The following IVNS1ABP variants were observed in gnomAD, a reference collection of about 807,000 sequenced individuals.
IVNS1ABP encodes the protein influenza virus NS1A binding protein.
Under a neutral mutation model 78.9 loss-of-function variants are expected in IVNS1ABP, and 25 were observed. That is an observed-to-expected ratio of 0.32 (90% CI 0.23 to 0.44). The LOEUF is 0.44. Ranked by LOEUF, IVNS1ABP falls within the 20% of genes least tolerant of loss-of-function variation. The pLI is 1.00. For synonymous variants in IVNS1ABP, 241 were observed against 259.7 expected, an observed-to-expected ratio of 0.93 and a Z score of 0.69; for missense variants, 494 against 768.9, an observed-to-expected ratio of 0.64 and a Z score of 4.23.
chr1:185,311,029 C>CT, intron 2 of IVNS1ABP, 66 bp downstream of exon 2: 1 of 319,566 alleles, frequency 3.1e-6, no homozygotes, highest in Non-Finnish European at 5.7e-6. Flanking sequence ...GTTTACTGTA[C>CT]TCGACATCCG....
In IVNS1ABP at chr1:185,305,495, A is replaced by G. The variant is rs760318258; in HGVS notation, c.765+41T>C. 2 of 1,606,816 alleles carry G rather than the reference A, an allele frequency of 1.2e-6. No individual in the cohort carries two copies. The highest frequency in any genetic ancestry group is 1.1e-5 in the South Asian group (1 of 89,990). ...AAGTATGCTATCAAATTCTCTAGTC[A>G]AATTTTAACCTGAGGTTACCTCAGA... On this transcript the variant is annotated intron_variant, in intron 8 of 14. Coordinates refer to ENST00000367498, the MANE Select transcript of IVNS1ABP (RefSeq NM_006469.5). The surrounding 1 kb of genome is among the most constrained non-coding windows in gnomAD (Gnocchi z 4.0).
intron 9 of IVNS1ABP, 81 bp downstream of exon 9, chr1:185,301,351 CAA>C: frequency 6.6e-7 from 1 of 1,520,044 alleles, no homozygotes; most frequent in Non-Finnish European, 9.0e-7. Flanking sequence ...CTCGAGTAGT[CAA>C]TTTAAGAGGT....
intron 13 of IVNS1ABP, 53 bp from the exon 14 acceptor site, chr1:185,299,936 T>G: frequency 1.2e-6 from 2 of 1,611,830 alleles, no homozygotes; most frequent in Non-Finnish European, 1.7e-6. Flanking sequence ...ACTCTAAGTG[T>G]ATACTACACA....
chr1:185,298,311 T>C lies in IVNS1ABP; in HGVS notation c.1676-23A>G. Reference sequence around the variant, plus strand: ...TTCCTAAAAGAGAAATGAGATGGGGTAAATCCAGAGATTAAAGTGTAATAA... The same window carrying C: ...TTCCTAAAAGAGAAATGAGATGGGGCAAATCCAGAGATTAAAGTGTAATAA... On this transcript the variant is annotated intron_variant, in intron 14 of 14. Transcript: ENST00000367498. This position sits in a 1 kb window ranked among gnomAD's most constrained non-coding sequence, Gnocchi z 4.1. 1.2e-6 allele frequency: 2 copies of C among 1,607,288 alleles called. No individual in the cohort carries two copies. Among genetic ancestry groups the C allele is most frequent in the South Asian group, 2.2e-5 (2 of 90,626 alleles).
rs956637103 is a variant in IVNS1ABP at position 185,307,998 on chromosome 1, A to G, written c.358-336T>C. 4 of 1,549,862 alleles carry G rather than the reference A, an allele frequency of 2.6e-6. No homozygotes were observed. In the African/African-American group the frequency reaches 5.5e-5, roughly 21 times the overall value. On this transcript the variant is annotated intron_variant, in intron 5 of 14. Coordinates refer to ENST00000367498, the MANE Select transcript of IVNS1ABP (RefSeq NM_006469.5). ...GAGAGATGATGTTGATGTTGAATGC[A>G]GACAGAAGTAGAGAAGATGCTGCAA...
In IVNS1ABP at chr1:185,311,291, G is replaced by C. The variant is rs1052247066; in HGVS notation, c.-215C>G. On this transcript the variant is annotated 5_prime_UTR_variant, in exon 2 of 15. Coordinates refer to ENST00000367498, the MANE Select transcript of IVNS1ABP (RefSeq NM_006469.5). Reference sequence around the variant, plus strand: ...TCAAGTCCTTAAAAGCTATAGACACGAATTTCTTCTGTGATAATGATGCAT... The same window carrying C: ...TCAAGTCCTTAAAAGCTATAGACACCAATTTCTTCTGTGATAATGATGCAT... The C allele has an allele frequency of 2.5e-6, 1 of 397,752 alleles. No homozygotes were observed. Among genetic ancestry groups the C allele is most frequent in the Admixed American group, 4.4e-5 (1 of 22,712 alleles). 24.6% of individuals were successfully genotyped at this position (397,752 alleles called of 1,614,324 possible).
intron 8 of IVNS1ABP, among the ~76,000 whole-genome samples, chr1:185,302,039 A>G (rs1404309483): frequency 1.3e-5 from 2 of 152,158 alleles, no homozygotes; most frequent in Non-Finnish European, 1.5e-5. Flanking sequence ...ATATAGATTC[A>G]TCCAGTTTCT....
chr1:185,313,740 AG>A (rs1665944858), intron 1 of IVNS1ABP, among the ~76,000 whole-genome samples: 1 of 152,204 alleles, frequency 6.6e-6, no homozygotes, highest in South Asian at 2.1e-4. Context: ...TATGAAACGT[AG>A]AATTGTTTGG....
In IVNS1ABP at chr1:185,305,658, C is replaced by T. The variant is rs1275603364; in HGVS notation, c.658-15G>A. On this transcript the variant is annotated splice_polypyrimidine_tract_variant and intron_variant, in intron 7 of 14. Coordinates refer to ENST00000367498, the MANE Select transcript of IVNS1ABP (RefSeq NM_006469.5). This position sits in a 1 kb window ranked among gnomAD's most constrained non-coding sequence, Gnocchi z 4.0. ...AAGGTTTGAACCTGCAAAACAGCAACAGAACACCCATGTGGCTACGGTCAC... is the reference window on the plus strand; with the variant it reads ...AAGGTTTGAACCTGCAAAACAGCAATAGAACACCCATGTGGCTACGGTCAC... The T allele has an allele frequency of 6.2e-7, 1 of 1,612,736 alleles. No individual in the cohort carries two copies. Among genetic ancestry groups the T allele is most frequent in the Admixed American group, 1.7e-5 (1 of 59,822 alleles).
intron 14 of IVNS1ABP, chr1:185,299,397 C>A: frequency 2.9e-6 from 1 of 339,292 alleles, no homozygotes. Flanking sequence ...TAAATTCTGG[C>A]TGTAAAGAAG....
rs1665700331 is a variant in IVNS1ABP at position 185,305,071 on chromosome 1, T to C, written c.765+465A>G. 6.6e-6 allele frequency among the ~76,000 whole-genome samples: 1 copy of C among 152,180 alleles called. No individual in the cohort carries two copies. The highest frequency in any genetic ancestry group is 6.6e-5 in the Admixed American group (1 of 15,262). On this transcript the variant is annotated intron_variant, in intron 8 of 14. Coordinates refer to ENST00000367498, the MANE Select transcript of IVNS1ABP (RefSeq NM_006469.5). The surrounding 1 kb of genome is among the most constrained non-coding windows in gnomAD (Gnocchi z 4.0). ...GTTTTAACATATGATCCACCACTTTTAGACTTATTACATTGTATAGTCCAT... is the reference window on the plus strand; with the variant it reads ...GTTTTAACATATGATCCACCACTTTCAGACTTATTACATTGTATAGTCCAT...
chr1:185,298,660 C>T lies in IVNS1ABP; in HGVS notation c.1676-372G>A. 3.8e-6 allele frequency: 1 copy of T among 264,760 alleles called. No individual in the cohort carries two copies. The allele number at this position is 264,760 out of a possible 1,614,324, so 16.4% of individuals were successfully genotyped here. On this transcript the variant is annotated intron_variant, in intron 14 of 14. Transcript: ENST00000367498. The surrounding 1 kb of genome is among the most constrained non-coding windows in gnomAD (Gnocchi z 4.1). ...CAGATGCAGCTACTAAGTAGCAAACCAGAATAGTTCTGTGCACTGGACTTT... is the reference window on the plus strand; with the variant it reads ...CAGATGCAGCTACTAAGTAGCAAACTAGAATAGTTCTGTGCACTGGACTTT...
intron 13 of IVNS1ABP, 50 bp from the exon 14 acceptor site, chr1:185,299,933 G>A: frequency 6.2e-7 from 1 of 1,610,512 alleles, no homozygotes; most frequent in Non-Finnish European, 8.5e-7. Context: ...CAGACTCTAA[G>A]TGTATACTAC....
rs1305525967 is a variant in IVNS1ABP, at chr1:185,298,217, T to C, written c.1747A>G (p.Arg583Gly). The change falls in exon 15 of 15, where the codon AGA becomes GGA. Residue 583 changes from arginine to glycine, a missense_variant. By Grantham distance (125) the Arg-to-Gly change is moderately radical. Transcript: ENST00000367498. This position sits in a 1 kb window ranked among gnomAD's most constrained non-coding sequence, Gnocchi z 4.1. ...ISCVEMYDPT[R>G]NEWKMMGNMT... The stretch of plus-strand genomic sequence containing the variant: ...TTTCCCATCATCTTCCATTCATTTC[T>C]AGTTGGATCATACATTTCCACACAA... The C allele has an allele frequency of 2.5e-6, 4 of 1,613,648 alleles. No homozygotes were observed. The Admixed American group carries it at 6.7e-5, about 27-fold the overall frequency.
In IVNS1ABP at chr1:185,317,057, G is replaced by A. The variant is rs1064902; in HGVS notation, c.-351C>T. 0.015 allele frequency: 5,892 copies of A among 398,848 alleles called. 56 individuals carry two copies. The highest frequency in any genetic ancestry group is 0.042 in the Middle Eastern group (67 of 1,588). 24.7% of individuals were successfully genotyped at this position (398,848 alleles called of 1,614,324 possible). A position where few individuals can be genotyped will look rare whatever the true frequency, so the allele number is the denominator to read the frequency against. ...CCAACGGAAAGCGCCAGAAGGCGGC[G>A]GAAGACGGGAGCGGTCAAGTAGAAG... is the stretch of plus-strand genomic sequence containing the variant. On this transcript the variant is annotated 5_prime_UTR_variant, in exon 1 of 15. Transcript: ENST00000367498.
At position 185,300,284 on chromosome 1, in the gene IVNS1ABP, C is replaced by T. The variant is rs1408743815; in HGVS notation, c.1302G>A (p.Glu434=). ...NGHSDDLSCG[E]MYDSNIDDWI... ...AGTCATCTATGTTTGAATCATACAT[C>T]TCTCCACAACTCAGGTCATCTGAGT... The change falls in exon 12 of 15, where the codon GAG becomes GAA. Residue 434 remains glutamate, a synonymous_variant. Transcript: ENST00000367498. 3.1e-6 allele frequency: 5 copies of T among 1,613,302 alleles called. No homozygotes were observed. The highest frequency in any genetic ancestry group is 2.7e-5 in the African/African-American group (2 of 74,902).
In IVNS1ABP at chr1:185,309,576, A is replaced by G. The variant is rs577659982; in HGVS notation, c.-18-65T>C. 3.1e-4 allele frequency: 248 copies of G among 801,664 alleles called. 1 individual carries two copies. The highest frequency in any genetic ancestry group is 5.0e-4 in the Non-Finnish European group (230 of 463,768). 49.7% of individuals were successfully genotyped at this position (801,664 alleles called of 1,614,324 possible). Reference sequence around the variant, plus strand: ...CTGATGGTTTTAAAAATATAATGCTAAAGAGTAATACAGTCTCTTTATTCT... The same window carrying G: ...CTGATGGTTTTAAAAATATAATGCTGAAGAGTAATACAGTCTCTTTATTCT... On this transcript the variant is annotated intron_variant, in intron 2 of 14. Coordinates refer to ENST00000367498, the MANE Select transcript of IVNS1ABP (RefSeq NM_006469.5).
chr1:185,306,558 A>G, intron 7 of IVNS1ABP: 1 of 1,284,472 alleles, frequency 7.8e-7, no homozygotes, highest in Non-Finnish European at 1.0e-6. Context: ...CTGCTTCTTT[A>G]CGTGTCAATA....
chr1:185,311,709 A>T (rs1264035827), intron 1 of IVNS1ABP, among the ~76,000 whole-genome samples: 1 of 152,188 alleles, frequency 6.6e-6, no homozygotes, highest in Non-Finnish European at 1.5e-5. Flanking sequence ...AACCTTAGGC[A>T]TTATTCCCAA....
Sources: gnomAD v4.1 joint callset for allele counts (sites outside exome capture counted in the v4.1 genomes callset) on GRCh38, gnomAD v4.1.1 for gene constraint, Gnocchi (gnomAD v3.1) non-coding constraint, MANE v1.5 for transcripts, NCBI Gene and HGNC (gene_info 2026-07-23, HGNC 2026-07-21) for gene names.